Variants in ZCCHC7 observed in about 807,000 individuals in gnomAD.
ZCCHC7 encodes the protein zinc finger CCHC-type containing 7, also known as zinc finger CCHC domain-containing protein 7.
Under a neutral mutation model 52.0 loss-of-function variants are expected in ZCCHC7, and 35 were observed. That is an observed-to-expected ratio of 0.67 (90% confidence interval 0.51 to 0.89). The LOEUF is 0.89. Among genes scored for constraint, ZCCHC7 ranks in the 40% least tolerant of loss-of-function variants. The pLI is 0.00. For synonymous variants in ZCCHC7, 217 were observed against 221.5 expected (o/e 0.98, Z 0.18); for missense variants, 574 against 649.1 (o/e 0.88, Z 1.26).
chr9:37,238,867 A>G (rs1441749488), intron 2 of ZCCHC7, among the ~76,000 whole-genome samples: 1 of 152,342 alleles, frequency 6.6e-6, no homozygotes. Flanking sequence ...AAAAGCTGGA[A>G]AAGCAGCTTT....
At position 37,120,695 on chromosome 9, in the gene ZCCHC7, G is replaced by A. The variant is rs1185638937; in HGVS notation, c.-22+72G>A. 6 of 374,308 alleles carry A rather than the reference G, an allele frequency of 1.6e-5. No homozygotes were observed. In the East Asian group the frequency reaches 2.3e-4, roughly 14 times the overall value. 23.2% of individuals were successfully genotyped at this position (374,308 alleles called of 1,614,324 possible). ...CTGCCTACCCTCCTTCTTGCCCGCC[G>A]GGCTGTGGAACTAGCGCGTGCCCCC... On this transcript the variant is annotated intron_variant, in intron 1 of 8. Coordinates refer to ENST00000336755, the MANE Select transcript of ZCCHC7 (RefSeq NM_032226.3).
At chr9:37,203,402 T>C (rs994903569) in intron 2 of ZCCHC7, among the ~76,000 whole-genome samples, 6 of 152,204 alleles carry the variant, frequency 3.9e-5, no homozygotes, top group African/African-American at 1.2e-4. Context: ...CCTGCACCTA[T>C]CAACCTGTCA....
intron 2 of ZCCHC7, among the ~76,000 whole-genome samples, chr9:37,189,213 C>T (rs1370151642): frequency 4.6e-5 from 7 of 151,478 alleles, no homozygotes; most frequent in African/African-American, 1.2e-4. Context: ...GCTTTAAAGT[C>T]TTGGTCAGAT....
chr9:37,202,755 T>C (rs1188606250), intron 2 of ZCCHC7, among the ~76,000 whole-genome samples: 3 of 152,260 alleles, frequency 2.0e-5, no homozygotes, highest in Admixed American at 2.0e-4. Context: ...GTGCTGGGAT[T>C]ATAGGCGTAA....
chr9:37,319,317 T>C (rs1829960567), intron 5 of ZCCHC7, among the ~76,000 whole-genome samples: 1 of 152,194 alleles, frequency 6.6e-6, no homozygotes, highest in Non-Finnish European at 1.5e-5. Flanking sequence ...TTCTAGTCCA[T>C]AGTTTGTCTT....
intron 6 of ZCCHC7, among the ~76,000 whole-genome samples, chr9:37,330,819 A>G (rs1211511692): frequency 6.6e-6 from 1 of 150,744 alleles, no homozygotes; most frequent in Non-Finnish European, 1.5e-5. Flanking sequence ...TGTCATTTCT[A>G]CTCTCATTTA....
intron 2 of ZCCHC7, among the ~76,000 whole-genome samples, chr9:37,171,602 T>A (rs1821732161): frequency 6.6e-6 from 1 of 151,950 alleles, no homozygotes; most frequent in East Asian, 1.9e-4. Context: ...AAGTTTTTTT[T>A]AGAGATGGTG....
chr9:37,330,603 AT>A (rs1281681355), intron 6 of ZCCHC7, among the ~76,000 whole-genome samples: 1 of 151,630 alleles, frequency 6.6e-6, no homozygotes, highest in Non-Finnish European at 1.5e-5. Context: ...AATAGTTAAT[AT>A]TTTTACCTCC....
chr9:37,126,767 A>C lies in ZCCHC7; in HGVS notation c.435A>C (p.Arg145Ser). 1 of 1,614,162 alleles carries C rather than the reference A, an allele frequency of 6.2e-7. No homozygotes were observed. Among genetic ancestry groups the C allele is most frequent in the South Asian group, 1.1e-5 (1 of 91,082 alleles). ...TTGAGAAGCCTAAATCTGAAGAGAGATCAGGTGTAATCCGAGAGGTCATGA... is the reference window on the plus strand; with the variant it reads ...TTGAGAAGCCTAAATCTGAAGAGAGCTCAGGTGTAATCCGAGAGGTCATGA... ...SDIEKPKSEE[R>S]SGVIREVMII... Residue 145 changes from arginine (R) to serine (S), a missense_variant, in exon 2 of 9, where the codon AGA becomes AGC. Arg to Ser is a moderately radical substitution (Grantham distance 110). Transcript: ENST00000336755.
In ZCCHC7 at chr9:37,203,970, T is replaced by C. The variant is rs564066869; in HGVS notation, c.610+77028T>C. Among the ~76,000 whole-genome samples the C allele has an allele frequency of 1.1e-4, 16 of 152,344 alleles. No individual in the cohort carries two copies. In the South Asian group the frequency reaches 2.7e-3, roughly 26 times the overall value. Reference sequence around the variant, plus strand: ...TTCTCCATAGCCTCGCCAGCATTTGTTGTTTCTTGACTTTTTAATAATCGC... The same window carrying C: ...TTCTCCATAGCCTCGCCAGCATTTGCTGTTTCTTGACTTTTTAATAATCGC... On this transcript the variant is annotated intron_variant, in intron 2 of 8. Coordinates refer to ENST00000336755, the MANE Select transcript of ZCCHC7 (RefSeq NM_032226.3).
chr9:37,171,952 C>G (rs1013675146), intron 2 of ZCCHC7, among the ~76,000 whole-genome samples: 1 of 152,050 alleles, frequency 6.6e-6, no homozygotes, highest in African/African-American at 2.4e-5. Flanking sequence ...TAGCAGTTTA[C>G]TCTATTCATG....
rs768233101 is a variant in ZCCHC7 at position 37,349,442 on chromosome 9, AT to A, written c.1075del (p.Tyr359MetfsTer36). ...TGCTATCACTGCGCGCAAAAAGGCC[AT>A]TATGGACACGTAAGTTTGAGTGACA... The part of the protein sequence containing the change: ...AYCYHCAQKG[H>X]YGHECPEREV... On this transcript the variant is annotated frameshift_variant, in exon 7 of 9. Transcript: ENST00000336755. LOFTEE classifies it high-confidence loss of function. 31 of 1,613,900 alleles carry A rather than the reference AT, an allele frequency of 1.9e-5. No individual in the cohort carries two copies. Among genetic ancestry groups the A allele is most frequent in the Non-Finnish European group, 2.5e-5 (30 of 1,179,930 alleles).
At chr9:37,292,306 T>A (rs1177443632) in intron 2 of ZCCHC7, among the ~76,000 whole-genome samples, 1 of 152,196 alleles carries the variant, frequency 6.6e-6, no homozygotes, top group Non-Finnish European at 1.5e-5. Context: ...GGAGCAGGAA[T>A]ATAATGAAAA....
chr9:37,329,044 CTATCA>C (rs2077268100), intron 6 of ZCCHC7, among the ~76,000 whole-genome samples: 1 of 151,656 alleles, frequency 6.6e-6, no homozygotes, highest in African/African-American at 2.4e-5. Flanking sequence ...TTTTTTTATC[CTATCA>C]TAATATAGTG....
intron 8 of ZCCHC7, 61 bp from the exon 9 acceptor site, chr9:37,356,774 G>A: frequency 6.9e-7 from 1 of 1,453,116 alleles, no homozygotes; most frequent in Non-Finnish European, 9.3e-7. Flanking sequence ...TTTACACTTA[G>A]GAAAGCTCAG....
intron 2 of ZCCHC7, among the ~76,000 whole-genome samples, chr9:37,269,516 G>A (rs1052733473): frequency 1.3e-5 from 2 of 150,838 alleles, no homozygotes; most frequent in African/African-American, 4.9e-5. Flanking sequence ...CTACCAGGGA[G>A]GCTGAGGCAG....
At chr9:37,120,498 C>A (rs1033457446), upstream of ZCCHC7, 5 of 398,854 alleles carry the variant, frequency 1.3e-5, no homozygotes, top group Non-Finnish European at 4.4e-6. Context: ...GCTGTGTTGT[C>A]CCCGGAAGTG....
At chr9:37,283,471 T>C (rs2133581684) in intron 2 of ZCCHC7, among the ~76,000 whole-genome samples, 1 of 152,310 alleles carries the variant, frequency 6.6e-6, no homozygotes, top group South Asian at 2.1e-4. Flanking sequence ...GCTCCTCCTT[T>C]TGTCCTTTCT....
intron 2 of ZCCHC7, among the ~76,000 whole-genome samples, chr9:37,295,689 G>A (rs1017223904): frequency 6.6e-6 from 1 of 152,124 alleles, no homozygotes; most frequent in Non-Finnish European, 1.5e-5. Context: ...AGACATACAA[G>A]GAAGGAAAGT....
Sources: gnomAD v4.1 joint callset for allele counts (sites outside exome capture counted in the v4.1 genomes callset) on GRCh38, gnomAD v4.1.1 for gene constraint, MANE v1.5 for transcripts, NCBI Gene and HGNC (gene_info 2026-07-23, HGNC 2026-07-21) for gene names.